Variants in TEX9 observed in about 807,000 individuals in gnomAD.
The protein encoded by TEX9 is testis expressed 9.
TEX9 carries 74 observed loss-of-function variants against 59.6 expected under a neutral mutation model. That is an observed-to-expected ratio of 1.24 (90% CI 1.03 to 1.51). TEX9 has a LOEUF of 1.51. TEX9 is among the 40% of genes most tolerant of loss of function. The pLI, the probability that TEX9 is intolerant of heterozygous loss-of-function variation, is 0.00. For synonymous variants in TEX9, 186 were observed against 152.2 expected (o/e 1.22, Z -1.64); for missense variants, 522 against 447.8 (o/e 1.17, Z -1.49).
At chr15:56,339,401 A>AAAAAAAAAAAAAC (rs2046327587) in intron 1 of TEX9, among the ~76,000 whole-genome samples, 1 of 124,196 alleles carries the variant, frequency 8.1e-6, no homozygotes, top group Non-Finnish European at 1.7e-5. Context: ...AAAAAAAAAA[A>AAAAAAAAAAAAAC]AAAAAAAAAA....
chr15:56,389,483 T>G, intron 6 of TEX9, 83 bp downstream of exon 6: 1 of 1,039,638 alleles, frequency 9.6e-7, no homozygotes, highest in South Asian at 1.5e-5. Flanking sequence ...AAGCTCTGTT[T>G]GTTTTTCCAG....
intron 10 of TEX9, among the ~76,000 whole-genome samples, chr15:56,424,811 C>G (rs1340119271): frequency 6.6e-6 from 1 of 152,004 alleles, no homozygotes; most frequent in Non-Finnish European, 1.5e-5. Flanking sequence ...TAATACAGGC[C>G]TTTATATTTG....
At chr15:56,309,838 G>A (rs2141615141) in intron 1 of TEX9, among the ~76,000 whole-genome samples, 1 of 151,516 alleles carries the variant, frequency 6.6e-6, no homozygotes, top group South Asian at 2.1e-4. Context: ...TGAGAGAGTG[G>A]GAGGGGAAAT....
At chr15:56,448,420 G>A (rs795797), downstream of TEX9, among the ~76,000 whole-genome samples, 69,134 of 151,910 alleles carry the variant, frequency 0.46, 15,836 homozygotes, top group South Asian at 0.61. Context: ...CACAGTGTCT[G>A]TTGTTCCCAT....
At chr15:56,377,855 C>G (rs1183074762) in intron 3 of TEX9, among the ~76,000 whole-genome samples, 5 of 152,058 alleles carry the variant, frequency 3.3e-5, no homozygotes, top group Admixed American at 1.3e-4. Context: ...AGCTGTGGGT[C>G]TGTCATATAT....
At chr15:56,452,109 T>G in the TEX9 span, among the ~76,000 whole-genome samples, 1 of 152,210 alleles carries the variant, frequency 6.6e-6, no homozygotes, top group Admixed American at 6.5e-5. Context: ...CTCTCTTCTC[T>G]CCTGTTTGCT....
the TEX9 span, among the ~76,000 whole-genome samples, chr15:56,454,246 ATATT>A: frequency 6.6e-6 from 1 of 152,160 alleles, no homozygotes. Context: ...ATATTTGTAT[ATATT>A]TATGGGGTAC....
At chr15:56,245,900 G>T (rs1567060469) in intron 1 of TEX9, among the ~76,000 whole-genome samples, 1 of 152,090 alleles carries the variant, frequency 6.6e-6, no homozygotes, top group Admixed American at 6.5e-5. Context: ...CCTATATCAC[G>T]TTGAGGAAAG....
chr15:56,412,458 T>C (rs1437404988), intron 10 of TEX9, 22 bp downstream of exon 10: 1 of 1,589,730 alleles, frequency 6.3e-7, no homozygotes, highest in South Asian at 1.2e-5. Context: ...TTGAATAGCT[T>C]TTGTAGTGAT....
intron 1 of TEX9, among the ~76,000 whole-genome samples, chr15:56,353,362 C>T (rs1427871768): frequency 6.6e-6 from 1 of 151,992 alleles, no homozygotes; most frequent in Admixed American, 6.6e-5. Context: ...ATAAAAATAG[C>T]ATTTATTACT....
chr15:56,352,416 T>TC (rs2046601949), intron 1 of TEX9, among the ~76,000 whole-genome samples: 1 of 151,804 alleles, frequency 6.6e-6, no homozygotes, highest in Non-Finnish European at 1.5e-5. Context: ...AGCTAATTTT[T>TC]TTTTTTTTGT....
At chr15:56,445,154 T>C (rs1424923562) in intron 12 of TEX9, among the ~76,000 whole-genome samples, 1 of 152,028 alleles carries the variant, frequency 6.6e-6, no homozygotes, top group Admixed American at 6.6e-5. Flanking sequence ...GCCTAAACTT[T>C]CTTTCCTGCC....
At chr15:56,344,214 C>A (rs1239153526) in intron 1 of TEX9, among the ~76,000 whole-genome samples, 10 of 152,122 alleles carry the variant, frequency 6.6e-5, no homozygotes, top group African/African-American at 2.2e-4. Flanking sequence ...AAAGCTTGCA[C>A]ATGAATGTTC....
intron 1 of TEX9, among the ~76,000 whole-genome samples, chr15:56,257,727 C>T (rs2141328815): frequency 6.6e-6 from 1 of 152,190 alleles, no homozygotes; most frequent in Middle Eastern, 3.4e-3. Flanking sequence ...AATTTTCTCC[C>T]ATTCTGCCGG....
intron 12 of TEX9, among the ~76,000 whole-genome samples, chr15:56,438,148 A>T (rs1167184024): frequency 6.6e-6 from 1 of 152,154 alleles, no homozygotes; most frequent in African/African-American, 2.4e-5. Context: ...AAAAGGGGCC[A>T]CATTGCCAAG....
chr15:56,330,919 T>C (rs1014253567), intron 1 of TEX9, among the ~76,000 whole-genome samples: 12 of 152,008 alleles, frequency 7.9e-5, no homozygotes, highest in Non-Finnish European at 1.6e-4. Flanking sequence ...AAGAAACATA[T>C]TTTACCTGAA....
At chr15:56,392,295 G>C (rs148510567) in intron 7 of TEX9, among the ~76,000 whole-genome samples, 2,147 of 152,252 alleles carry the variant, frequency 0.014, 27 homozygotes, top group Non-Finnish European at 0.02. Context: ...AGCAGTTTCT[G>C]CTTCTGGGGA....
chr15:56,374,329 A>G (rs940312622), intron 3 of TEX9: 1 of 152,112 alleles, frequency 6.6e-6, no homozygotes, highest in Non-Finnish European at 1.5e-5. Context: ...TGGGGAATGG[A>G]TTCCTACCCC....
chr15:56,280,633 A>C (rs922153287), intron 1 of TEX9, among the ~76,000 whole-genome samples: 2 of 152,238 alleles, frequency 1.3e-5, no homozygotes, highest in African/African-American at 4.8e-5. Flanking sequence ...ATCCATAAGA[A>C]AAAAGGAAAA....
Sources: allele counts gnomAD v4.1 joint callset (sites outside exome capture counted in the v4.1 genomes callset), GRCh38; gene constraint gnomAD v4.1.1; transcripts MANE v1.5; gene names NCBI Gene and HGNC (gene_info 2026-07-23, HGNC 2026-07-21).